UBN1: variants seen among roughly 807,000 people sequenced by gnomAD.
UBN1 encodes the protein ubinuclein-1.
In UBN1, 17 loss-of-function variants were observed where a neutral mutation model predicts 108.5. The observed-to-expected ratio is 0.16, with a 90% CI of 0.11 to 0.24. The LOEUF (loss-of-function observed/expected upper bound fraction) is 0.24, where lower values mean the gene tolerates loss of function less well. Among genes scored for constraint, UBN1 ranks in the 10% least tolerant of loss-of-function variants. The pLI is 1.00. For missense variants in UBN1, 1,595 were observed against 1,394.4 expected (o/e 1.14, Z -2.29); for synonymous variants, 726 against 564.2 (o/e 1.29, Z -4.07).
intron 7 of UBN1, among the ~76,000 whole-genome samples, chr16:4,863,435 A>C (rs895185662): frequency 2.0e-5 from 3 of 152,000 alleles, no homozygotes; most frequent in African/African-American, 4.8e-5. Flanking sequence ...GGTATACTCA[A>C]ATTGCTTATG....
rs1388424827 is a variant in UBN1 at position 4,875,203 on chromosome 16, G to A, written c.2793G>A (p.Gly931=). The A allele has an allele frequency of 1.2e-6, 2 of 1,614,228 alleles. No individual in the cohort carries two copies. The highest frequency in any genetic ancestry group is 2.2e-5 in the South Asian group (2 of 91,088). ...CACCAGTCCAGAGTTCTGTTTCTGG[G>A]AGCCTGGTCCCTGGCATACAGCCTC... ...GGTPVQSSVS[G]SLVPGIQPPS... is the part of the protein sequence containing the mutation. The change falls in exon 15 of 18, where the codon GGG becomes GGA. Residue 931 remains glycine, a synonymous_variant. Transcript: ENST00000262376.
Position 4,877,110 on chromosome 16 carries a change from C to G in UBN1, c.3264C>G (p.His1088Gln). 1.9e-6 allele frequency: 3 copies of G among 1,605,452 alleles called. No homozygotes were observed. The South Asian group carries it at 3.3e-5, about 18-fold the overall frequency. Residue 1088 changes from histidine (H) to glutamine (Q), a missense_variant and splice_region_variant, in exon 16 of 18, where the codon CAC becomes CAG. Coordinates refer to ENST00000262376, the MANE Select transcript of UBN1 (RefSeq NM_001079514.3). The surrounding 1 kb of genome is among the most constrained non-coding windows in gnomAD (Gnocchi z 4.3). ...GGTCCTTCCACCATGGCCTTGGCCACAGTAAGTGCTTCTTTGCTGCCTCTG... is the reference window on the plus strand; with the variant it reads ...GGTCCTTCCACCATGGCCTTGGCCAGAGTAAGTGCTTCTTTGCTGCCTCTG... ...APGSFHHGLG[H>Q]SLLAGLHSSP...
chr16:4,878,738 C>T (rs779148002), intron 17 of UBN1, among the ~76,000 whole-genome samples: 7 of 152,302 alleles, frequency 4.6e-5, no homozygotes, highest in East Asian at 1.9e-4. Context: ...AGGCCGGACG[C>T]GGTGGCTATC....
chr16:4,877,342 A>G lies in UBN1; in HGVS notation c.3266-43A>G, dbSNP rs117377804. 4.1e-3 allele frequency: 6,543 copies of G among 1,587,548 alleles called. 22 individuals are homozygous for G. Among genetic ancestry groups the G allele is most frequent in the Non-Finnish European group, 5.0e-3 (5,833 of 1,164,352 alleles). ...AGCTGCTTTCCTGTTCCTGTCTTCA[A>G]TGTGTGTGTTTTGTTCTTTTCTCCC... On this transcript the variant is annotated intron_variant, in intron 16 of 17. Coordinates refer to ENST00000262376, the MANE Select transcript of UBN1 (RefSeq NM_001079514.3). This position sits in a 1 kb window ranked among gnomAD's most constrained non-coding sequence, Gnocchi z 4.3.
rs2087794393 is a variant in UBN1, at chr16:4,874,633, A to G, written c.2223A>G (p.Glu741=). 1.2e-6 allele frequency: 2 copies of G among 1,614,106 alleles called. No homozygotes were observed. Among genetic ancestry groups the G allele is most frequent in the African/African-American group, 1.3e-5 (1 of 74,940 alleles). Reference sequence around the variant, plus strand: ...AGTCACCCCTCAATTTTCTGGCAGAACAGGCTCTGGCACTGGGGCAGTCCT... The same window carrying G: ...AGTCACCCCTCAATTTTCTGGCAGAGCAGGCTCTGGCACTGGGGCAGTCCT... ...SLQSPLNFLA[E]QALALGQSSQ... The change falls in exon 15 of 18, where the codon GAA becomes GAG. Residue 741 remains glutamate, a synonymous_variant. Coordinates refer to ENST00000262376, the MANE Select transcript of UBN1 (RefSeq NM_001079514.3).
In UBN1 at chr16:4,853,075, A is replaced by T; in HGVS notation, c.158A>T (p.Glu53Val). The change falls in exon 2 of 18, where the codon GAA (glutamate) becomes GTA (valine). Residue 53 changes from glutamate (E) to valine (V), a missense_variant. Glu to Val is a moderately radical substitution (Grantham distance 121). Coordinates refer to ENST00000262376, the MANE Select transcript of UBN1 (RefSeq NM_001079514.3). ...GTTCGGATTACACTCACCCTCTTTG[A>T]ACCAGATCACAAACGCTGCCCAGAG... The part of the protein sequence containing the change: ...AAVRITLTLF[E>V]PDHKRCPEFF... 1 of 1,614,208 alleles carries T rather than the reference A, an allele frequency of 6.2e-7. No homozygotes were observed. The highest frequency in any genetic ancestry group is 8.5e-7 in the Non-Finnish European group (1 of 1,180,044).
At chr16:4,871,788 G>A (rs555699017) in intron 12 of UBN1, among the ~76,000 whole-genome samples, 43 of 151,902 alleles carry the variant, frequency 2.8e-4, no homozygotes, top group Non-Finnish European at 4.0e-4. Flanking sequence ...GGGTTTCACC[G>A]TGTTAGCCAG....
chr16:4,876,793 C>T, intron 15 of UBN1, 78 bp from the exon 16 acceptor site: 6 of 1,519,290 alleles, frequency 3.9e-6, no homozygotes, highest in Non-Finnish European at 4.4e-6. Flanking sequence ...AAGGAGGATC[C>T]TTTGTGTTGC....
At chr16:4,861,350 T>G (rs1379868549) in intron 7 of UBN1, among the ~76,000 whole-genome samples, 1 of 152,260 alleles carries the variant, frequency 6.6e-6, no homozygotes, top group African/African-American at 2.4e-5. Context: ...GAGATTGTTC[T>G]CTTTCTGTTT....
In UBN1 at chr16:4,864,402, C is replaced by A. The variant is rs535259042; in HGVS notation, c.1110+3300C>A. 2.6e-5 allele frequency among the ~76,000 whole-genome samples: 4 copies of A among 152,248 alleles called. No individual in the cohort carries two copies. In the South Asian group the frequency reaches 8.3e-4, roughly 32 times the overall value. On this transcript the variant is annotated intron_variant, in intron 7 of 17. Coordinates refer to ENST00000262376, the MANE Select transcript of UBN1 (RefSeq NM_001079514.3). ...AAACTTTAAAAAATGTCTTTGAAAA[C>A]TTGTGTATGTTAAAGAGGTCCTCTG...
intron 5 of UBN1, 88 bp from the exon 6 acceptor site, chr16:4,859,777 C>A: frequency 6.4e-7 from 1 of 1,570,004 alleles, no homozygotes; most frequent in South Asian, 1.2e-5. Flanking sequence ...TCAGGATGTG[C>A]CCCGGGCGGA....
At chr16:4,879,603 C>A (rs2088019428) in intron 17 of UBN1, among the ~76,000 whole-genome samples, 1 of 152,236 alleles carries the variant, frequency 6.6e-6, no homozygotes, top group Non-Finnish European at 1.5e-5. Context: ...GAGTAAGAAG[C>A]TATTTGCGCA....
Position 4,875,072 on chromosome 16 carries a change from A to G in UBN1, c.2662A>G (p.Lys888Glu). 1 of 1,614,076 alleles carries G rather than the reference A, an allele frequency of 6.2e-7. No homozygotes were observed. Among genetic ancestry groups the G allele is most frequent in the Non-Finnish European group, 8.5e-7 (1 of 1,180,046 alleles). Residue 888 changes from lysine to glutamate, a missense_variant, in exon 15 of 18, where the codon AAG (lysine) becomes GAG (glutamate). Coordinates refer to ENST00000262376, the MANE Select transcript of UBN1 (RefSeq NM_001079514.3). ...CTCTTCTGCCCTGAGCCATCCAGCA[A>G]AGCCACATTCAGTCAGCTCTGCAGG... ...SSSSALSHPAKPHSVSSAGSS... is the reference protein window; with the variant it reads ...SSSSALSHPAEPHSVSSAGSS...
rs746742247 is a variant in UBN1 at position 4,874,289 on chromosome 16, C to T, written c.1879C>T (p.His627Tyr). Residue 627 changes from histidine to tyrosine, a missense_variant, in exon 15 of 18, where the codon CAC (histidine) becomes TAC (tyrosine). This residue lies in a region of UBN1 where 1,398 missense variants were observed against 1,194.7 expected (regional missense o/e 1.17). Coordinates refer to ENST00000262376, the MANE Select transcript of UBN1 (RefSeq NM_001079514.3). The stretch of plus-strand genomic sequence containing the variant: ...TGGCCCCATTGCTTTGCCCTCAGAT[C>T]ACCAAACAGGAGGCCTGAGTATTGG... ...IGGPIALPSD[H>Y]QTGGLSIGAS... 1.9e-6 allele frequency: 3 copies of T among 1,613,794 alleles called. No individual in the cohort carries two copies. The African/African-American group carries it at 4.0e-5, about 22-fold the overall frequency.
At chr16:4,859,841 C>A (rs2086978363) in intron 5 of UBN1, 24 bp from the exon 6 acceptor site, 1 of 1,613,380 alleles carries the variant, frequency 6.2e-7, no homozygotes, top group Non-Finnish European at 8.5e-7. Flanking sequence ...AGCCGTGTAA[C>A]TGTGCCTTGT....
rs1232343946 is a variant in UBN1 at position 4,847,759 on chromosome 16, A to T, written c.-491A>T. The stretch of plus-strand genomic sequence containing the variant: ...CGGAGCTCGGCGCGGCCTGGAACTC[A>T]GCCTCCGCCGGGTCTGGGCTCCCGC... On this transcript the variant is annotated 5_prime_UTR_variant, in exon 1 of 18. Coordinates refer to ENST00000262376, the MANE Select transcript of UBN1 (RefSeq NM_001079514.3). 1 of 153,838 alleles carries T rather than the reference A, an allele frequency of 6.5e-6. No homozygotes were observed. The highest frequency in any genetic ancestry group is 1.4e-5 in the Non-Finnish European group (1 of 69,290). 9.5% of individuals were successfully genotyped at this position (153,838 alleles called of 1,614,324 possible). A position where few individuals can be genotyped will look rare whatever the true frequency, so the allele number is the denominator to read the frequency against.
At position 4,872,105 on chromosome 16, in the gene UBN1, G is replaced by A. The variant is rs1016545207; in HGVS notation, c.1707-779G>A. ...TACATGGGACAGAGAAAGTTAGCTG[G>A]AGTGATTTTCTTGATTGGACTCGAA... On this transcript the variant is annotated intron_variant, in intron 12 of 17. Transcript: ENST00000262376. 21 of 783,784 alleles carry A rather than the reference G, an allele frequency of 2.7e-5. No homozygotes were observed. The African/African-American group carries it at 3.8e-4, about 14-fold the overall frequency. The allele number at this position is 783,784 out of a possible 1,614,324, so 48.6% of individuals were successfully genotyped here. A position where few individuals can be genotyped will look rare whatever the true frequency, so the allele number is the denominator to read the frequency against.
In UBN1 at chr16:4,871,140, C is replaced by G; in HGVS notation, c.1560-15C>G. ...TGAAGTAGTTTGGAGTTTCTGATTT[C>G]TGCCTCCTTCTCAGGGAGCTACTGT... On this transcript the variant is annotated splice_polypyrimidine_tract_variant and intron_variant, in intron 11 of 17. Transcript: ENST00000262376. 1 of 1,613,472 alleles carries G rather than the reference C, an allele frequency of 6.2e-7. No individual in the cohort carries two copies. The highest frequency in any genetic ancestry group is 8.5e-7 in the Non-Finnish European group (1 of 1,179,814).
intron 2 of UBN1, 99 bp from the exon 3 acceptor site, chr16:4,857,891 A>G (rs2086886099): frequency 5.9e-6 from 5 of 849,768 alleles, no homozygotes; most frequent in East Asian, 2.5e-5. Flanking sequence ...TCTGGAAAAC[A>G]TTGTTTTTAT....
Sources: allele counts gnomAD v4.1 joint callset (sites outside exome capture counted in the v4.1 genomes callset), GRCh38; gene constraint gnomAD v4.1.1; regional missense constraint gnomAD v4.1.1; non-coding constraint Gnocchi (gnomAD v3.1); transcripts MANE v1.5; gene names NCBI Gene and HGNC (gene_info 2026-07-23, HGNC 2026-07-21).